Variants in RYR2 observed in about 807,000 individuals in gnomAD.
RYR2 encodes ryanodine receptor 2.
In RYR2, 227 loss-of-function variants were observed where a neutral mutation model predicts 601.1. The observed-to-expected ratio is 0.38, with a 90% CI of 0.34 to 0.42. The LOEUF is 0.42. RYR2 is among the 10% of genes least tolerant of loss of function. The pLI, the probability that RYR2 is intolerant of heterozygous loss-of-function variation, is 1.00. For missense variants in RYR2, 4,646 were observed against 6,156.5 expected (o/e 0.75, Z 8.21); for synonymous variants, 2,223 against 2,175.1 (o/e 1.02, Z -0.61).
At chr1:237,618,541 TA>T (rs1270224322) in intron 38 of RYR2, among the ~76,000 whole-genome samples, 1 of 152,062 alleles carries the variant, frequency 6.6e-6, no homozygotes, top group Non-Finnish European at 1.5e-5. Flanking sequence ...GATTTGAAGC[TA>T]AAGAAGACGA....
intron 14 of RYR2, among the ~76,000 whole-genome samples, chr1:237,450,799 C>CT: frequency 6.6e-6 from 1 of 152,280 alleles, no homozygotes; most frequent in African/African-American, 2.4e-5. Flanking sequence ...ATGTCTCTCC[C>CT]TTGTGATCAC....
chr1:237,676,604 C>T (rs1040248924), intron 60 of RYR2, among the ~76,000 whole-genome samples: 6 of 152,134 alleles, frequency 3.9e-5, no homozygotes, highest in African/African-American at 9.7e-5. Context: ...TTGTCAATAT[C>T]GTGTTTATTT....
At chr1:237,229,807 A>G (rs984282415) in intron 1 of RYR2, among the ~76,000 whole-genome samples, 2 of 152,162 alleles carry the variant, frequency 1.3e-5, no homozygotes, top group Non-Finnish European at 1.5e-5. Context: ...CCCTTACTGT[A>G]AGCTCAAGGA....
chr1:237,297,462 G>T (rs915795850), intron 2 of RYR2, among the ~76,000 whole-genome samples: 1 of 152,080 alleles, frequency 6.6e-6, no homozygotes, highest in Non-Finnish European at 1.5e-5. Flanking sequence ...AAGTAAAGGT[G>T]GGTATTAGAC....
chr1:237,824,479 C>A (rs535213897), intron 101 of RYR2, among the ~76,000 whole-genome samples: 3 of 152,082 alleles, frequency 2.0e-5, no homozygotes, highest in Admixed American at 2.0e-4. Context: ...ATTCAACAGC[C>A]CTTCATGCTA....
At chr1:237,506,007 C>CTA (rs1665186038) in intron 22 of RYR2, among the ~76,000 whole-genome samples, 1 of 151,972 alleles carries the variant, frequency 6.6e-6, no homozygotes, top group Non-Finnish European at 1.5e-5. Context: ...ATCCGATGGA[C>CTA]TATAATGTGG....
intron 74 of RYR2, among the ~76,000 whole-genome samples, chr1:237,725,901 G>C (rs1690153825): frequency 6.6e-6 from 1 of 152,034 alleles, no homozygotes; most frequent in South Asian, 2.1e-4. Flanking sequence ...ATCATCTACA[G>C]ACTGGGGTCT....
At chr1:237,405,374 A>G (rs1469451800) in intron 10 of RYR2, among the ~76,000 whole-genome samples, 3 of 152,194 alleles carry the variant, frequency 2.0e-5, no homozygotes, top group Non-Finnish European at 2.9e-5. Context: ...ATATCCACAA[A>G]TGGAATGCCC....
intron 58 of RYR2, 33 bp downstream of exon 58, chr1:237,667,991 A>G: frequency 6.6e-7 from 1 of 1,507,054 alleles, no homozygotes; most frequent in Non-Finnish European, 9.0e-7. Flanking sequence ...ATTAAAAAAT[A>G]ATCTGAGCTC....
intron 2 of RYR2, among the ~76,000 whole-genome samples, chr1:237,271,251 C>T (rs1486546298): frequency 6.6e-6 from 1 of 152,100 alleles, no homozygotes; most frequent in Admixed American, 6.5e-5. Flanking sequence ...CCAGCAATAT[C>T]TTAAGCTACA....
chr1:237,450,264 G>A (rs1301226618), intron 14 of RYR2, among the ~76,000 whole-genome samples: 5 of 152,066 alleles, frequency 3.3e-5, no homozygotes, highest in East Asian at 3.8e-4. Context: ...TCCCTCTTGT[G>A]AGCCCTCTCC....
chr1:237,707,341 T>A, intron 68 of RYR2, 72 bp downstream of exon 68: 1 of 763,276 alleles, frequency 1.3e-6, no homozygotes, highest in Non-Finnish European at 1.9e-6. Flanking sequence ...ATACATAAAC[T>A]AGAATTTTCC....
chr1:237,444,222 T>C (rs562430424), intron 13 of RYR2, among the ~76,000 whole-genome samples: 1 of 152,314 alleles, frequency 6.6e-6, no homozygotes, highest in Non-Finnish European at 1.5e-5. Context: ...AGTACTTTAT[T>C]TGACTTCTAG....
At position 237,503,274 on chromosome 1, in the gene RYR2, G is replaced by A. The variant is rs373758984; in HGVS notation, c.2397-15G>A. 32 of 1,584,006 alleles carry A rather than the reference G, an allele frequency of 2.0e-5. No individual in the cohort carries two copies. In the African/African-American group the frequency reaches 2.3e-4, roughly 11 times the overall value. ...CACCAGAGATAAAATTGACTCTAAC[G>A]TGCATCCTCTTTAGAGTACGCTTTC... On this transcript the variant is annotated splice_polypyrimidine_tract_variant and intron_variant, in intron 21 of 104. Transcript: ENST00000366574.
At chr1:237,632,193 T>C (rs1680404310) in intron 42 of RYR2, among the ~76,000 whole-genome samples, 1 of 152,040 alleles carries the variant, frequency 6.6e-6, no homozygotes, top group South Asian at 2.1e-4. Flanking sequence ...AATTACTCTA[T>C]GTGTTAATTT....
intron 23 of RYR2, among the ~76,000 whole-genome samples, chr1:237,511,097 C>T (rs1258494409): frequency 6.6e-6 from 1 of 152,064 alleles, no homozygotes. Flanking sequence ...AAGTCATTGC[C>T]ACACCCTTCT....
intron 24 of RYR2, among the ~76,000 whole-genome samples, chr1:237,522,505 C>T (rs1667190687): frequency 6.6e-6 from 1 of 152,156 alleles, no homozygotes; most frequent in Non-Finnish European, 1.5e-5. Context: ...TATAGGTACT[C>T]ATCCTTTCTG....
rs75613589 is a variant in RYR2 at position 237,046,040 on chromosome 1, G to A, written c.48+3471G>A. On this transcript the variant is annotated intron_variant, in intron 1 of 104. Transcript: ENST00000366574. The stretch of plus-strand genomic sequence containing the variant: ...GAATGATCCTGATAGGAATGCTTAC[G>A]GTCTTCCTCCTGTCTTCTTTTGCAG... Among the ~76,000 whole-genome samples the A allele has an allele frequency of 9.5e-3, 1,446 of 151,930 alleles. 14 individuals are homozygous for A. Among genetic ancestry groups the A allele is most frequent in the South Asian group, 0.016 (75 of 4,786 alleles).
chr1:237,565,230 C>A (rs555946263), intron 27 of RYR2, among the ~76,000 whole-genome samples: 128 of 126,508 alleles, frequency 1.0e-3, no homozygotes, highest in Middle Eastern at 4.0e-3. Flanking sequence ...TTTCTTTTGT[C>A]TTTCTTTCTT....
Sources: gnomAD v4.1 joint callset for allele counts (sites outside exome capture counted in the v4.1 genomes callset) on GRCh38, gnomAD v4.1.1 for gene constraint, MANE v1.5 for transcripts, NCBI Gene and HGNC (gene_info 2026-07-23, HGNC 2026-07-21) for gene names.